Variants in HYKK observed in about 807,000 individuals in gnomAD.
HYKK encodes 5-hydroxy-L-lysine kinase.
HYKK carries 19 observed loss-of-function variants against 29.7 expected under a neutral mutation model. The ratio of observed to expected loss-of-function variants is 0.64; its 90% confidence interval spans 0.45 to 0.94. The LOEUF (loss-of-function observed/expected upper bound fraction) is 0.94, where lower values mean the gene tolerates loss of function less well. Among genes scored for constraint, HYKK ranks in the 40% least tolerant of loss-of-function variants. The pLI is 0.00. For synonymous variants in HYKK, 152 were observed against 158.1 expected, an observed-to-expected ratio of 0.96 and a Z score of 0.29; for missense variants, 390 against 443.4, an observed-to-expected ratio of 0.88 and a Z score of 1.08.
chr15:78,509,403 G>A (rs2052048798), intron 1 of HYKK, among the ~76,000 whole-genome samples: 1 of 152,192 alleles, frequency 6.6e-6, no homozygotes, highest in Admixed American at 6.5e-5. Context: ...GATGGCCAGA[G>A]CTAACAACCT....
At chr15:78,512,514 G>A (rs757585268) in intron 1 of HYKK, among the ~76,000 whole-genome samples, 27 of 146,120 alleles carry the variant, frequency 1.8e-4, no homozygotes, top group Non-Finnish European at 2.4e-4. Context: ...TGATTCTCCT[G>A]CCTCAGCCTC....
chr15:78,509,516 G>T (rs564777047), intron 1 of HYKK, among the ~76,000 whole-genome samples: 2 of 152,352 alleles, frequency 1.3e-5, no homozygotes, highest in South Asian at 4.1e-4. Context: ...GCCTTCACCA[G>T]TTGCCTCTAA....
Position 78,513,340 on chromosome 15 carries a change from C to T in HYKK, c.252C>T (p.Ile84=). 1 of 1,614,196 alleles carries T rather than the reference C, an allele frequency of 6.2e-7. No individual in the cohort carries two copies. Among genetic ancestry groups the T allele is most frequent in the Middle Eastern group, 1.6e-4 (1 of 6,062 alleles). The change falls in exon 2 of 5, where the codon ATC becomes ATT. Residue 84 remains isoleucine (I), a synonymous_variant. Coordinates refer to ENST00000388988, the MANE Select transcript of HYKK (RefSeq NM_001013619.4). ...ACCTGATTGAAGTGCAGAATCACAT[C>T]ATCATGTTTCTGAAAGCCGCTGGAT... The part of the protein sequence containing the change: ...NPDLIEVQNH[I]IMFLKAAGFP...
intron 3 of HYKK, among the ~76,000 whole-genome samples, 164 bp downstream of exon 3, chr15:78,515,271 C>G (rs1328616063): frequency 1.3e-5 from 2 of 152,088 alleles, no homozygotes; most frequent in Non-Finnish European, 2.9e-5. Context: ...GACAGTAAGG[C>G]TAACTTCTAC....
intron 1 of HYKK, among the ~76,000 whole-genome samples, chr15:78,510,599 C>G (rs999962142): frequency 6.6e-6 from 1 of 152,138 alleles, no homozygotes; most frequent in Non-Finnish European, 1.5e-5. Context: ...ATGTTATCCC[C>G]TTTCCCTCAC....
rs539574590 is a variant in HYKK, at chr15:78,528,669, G to A, written c.661+1106G>A. On this transcript the variant is annotated intron_variant, in intron 4 of 4. Transcript: ENST00000388988. ...AATGCAAAAACTAGCTGGGCATGGT[G>A]ACGCGTGCCTGTAATCTCAGCTACT... The A allele has an allele frequency of 1.4e-4, 44 of 324,010 alleles. No homozygotes were observed. The East Asian group carries it at 5.8e-3, about 43-fold the overall frequency. 20.1% of individuals were successfully genotyped at this position (324,010 alleles called of 1,614,324 possible).
chr15:78,516,133 A>G (rs887213906), intron 3 of HYKK, among the ~76,000 whole-genome samples: 4 of 152,296 alleles, frequency 2.6e-5, no homozygotes, highest in African/African-American at 9.6e-5. Context: ...TAGAAACAAT[A>G]TAATGTATGA....
At chr15:78,531,341 G>A (rs2141364801) in intron 4 of HYKK, among the ~76,000 whole-genome samples, 1 of 152,180 alleles carries the variant, frequency 6.6e-6, no homozygotes, top group South Asian at 2.1e-4. Flanking sequence ...GCAGTGTTGG[G>A]CATAAAGTTA....
chr15:78,517,918 T>G (rs2141356656), intron 3 of HYKK, among the ~76,000 whole-genome samples: 1 of 152,342 alleles, frequency 6.6e-6, no homozygotes, highest in South Asian at 2.1e-4. Flanking sequence ...TTCCCCAGTT[T>G]TGAGTAGTTT....
At chr15:78,537,073 C>T (rs2052369208), downstream of HYKK, among the ~76,000 whole-genome samples, 1 of 152,148 alleles carries the variant, frequency 6.6e-6, no homozygotes, top group South Asian at 2.1e-4. Flanking sequence ...ACCATCATCT[C>T]CTCTGGTTCT....
chr15:78,520,283 C>A (rs1429350782), intron 3 of HYKK, among the ~76,000 whole-genome samples: 8 of 151,676 alleles, frequency 5.3e-5, no homozygotes, highest in East Asian at 3.9e-4. Context: ...GTGTTTCTCG[C>A]AGAGGGGGAT....
intron 3 of HYKK, among the ~76,000 whole-genome samples, chr15:78,522,558 CA>C (rs746784955): frequency 8.9e-3 from 381 of 42,752 alleles, no homozygotes; most frequent in African/African-American, 0.019. Context: ...GACTCCGTCT[CA>C]AAAAAAAAAA....
intron 3 of HYKK, among the ~76,000 whole-genome samples, chr15:78,523,441 C>T (rs2052218671): frequency 6.6e-6 from 1 of 152,122 alleles, no homozygotes; most frequent in African/African-American, 2.4e-5. Context: ...CAATCACCTC[C>T]TACCAGGCCC....
At chr15:78,524,448 A>G (rs1006509877) in intron 3 of HYKK, among the ~76,000 whole-genome samples, 6 of 152,166 alleles carry the variant, frequency 3.9e-5, no homozygotes, top group Non-Finnish European at 7.3e-5. Context: ...CTGGCCCACA[A>G]AACCATCTTG....
intron 2 of HYKK, among the ~76,000 whole-genome samples, chr15:78,513,814 A>G (rs1237573424): frequency 1.3e-5 from 2 of 152,088 alleles, no homozygotes; most frequent in East Asian, 3.8e-4. Context: ...TTTTTGAGAC[A>G]GGGGTCTCAC....
intron 3 of HYKK, among the ~76,000 whole-genome samples, chr15:78,524,711 A>G (rs1194549768): frequency 6.6e-6 from 1 of 152,140 alleles, no homozygotes; most frequent in Non-Finnish European, 1.5e-5. Context: ...GAGGAGGCTG[A>G]GGCAGGAGTA....
Position 78,513,212 on chromosome 15 carries a change from A to C in HYKK, c.124A>C (p.Ser42Arg). 6.2e-7 allele frequency: 1 copy of C among 1,614,176 alleles called. No individual in the cohort carries two copies. Among genetic ancestry groups the C allele is most frequent in the Non-Finnish European group, 8.5e-7 (1 of 1,180,010 alleles). ...AGTTTCCAAGGTCCGGCCACTTCCTAGCTATGATGACCAAAACTTTCATGT... is the reference window on the plus strand; with the variant it reads ...AGTTTCCAAGGTCCGGCCACTTCCTCGCTATGATGACCAAAACTTTCATGT... Reference protein sequence around the residue: ...LKVSKVRPLPSYDDQNFHVYV... With the variant: ...LKVSKVRPLPRYDDQNFHVYV... The change falls in exon 2 of 5, where the codon AGC becomes CGC. Residue 42 changes from serine to arginine, a missense_variant. By Grantham distance (110) the Ser-to-Arg change is moderately radical (BLOSUM62 -1). Coordinates refer to ENST00000388988, the MANE Select transcript of HYKK (RefSeq NM_001013619.4).
At chr15:78,527,023 C>G (rs2052261204) in intron 3 of HYKK, among the ~76,000 whole-genome samples, 1 of 152,024 alleles carries the variant, frequency 6.6e-6, no homozygotes, top group Non-Finnish European at 1.5e-5. Context: ...CACCTGTAAT[C>G]CCAGCACTTT....
intron 4 of HYKK, among the ~76,000 whole-genome samples, chr15:78,530,712 AT>A (rs879868024): frequency 1.8e-4 from 26 of 146,618 alleles, no homozygotes; most frequent in Middle Eastern, 3.5e-3. Context: ...TGCCCAGCAG[AT>A]TTTTTTTTTT....
Sources: allele counts gnomAD v4.1 joint callset (sites outside exome capture counted in the v4.1 genomes callset), GRCh38; gene constraint gnomAD v4.1.1; transcripts MANE v1.5; gene names NCBI Gene and HGNC (gene_info 2026-07-23, HGNC 2026-07-21).